Variants in FOCAD observed in about 807,000 individuals in gnomAD.
The protein encoded by FOCAD is focadhesin, also known as KIAA1797.
In FOCAD, 198 loss-of-function variants were observed where a neutral mutation model predicts 225.6. The ratio of observed to expected loss-of-function variants is 0.88; its 90% CI spans 0.78 to 0.99. The LOEUF (loss-of-function observed/expected upper bound fraction) is 0.99. FOCAD is among the 50% of genes least tolerant of loss of function. The pLI, the probability that FOCAD is intolerant of heterozygous loss-of-function variation, is 0.00. For synonymous variants in FOCAD, 897 were observed against 755.0 expected (o/e 1.19, Z -3.08); for missense variants, 2,713 against 2,123.6 (o/e 1.28, Z -5.46).
intron 11 of FOCAD, among the ~76,000 whole-genome samples, chr9:20,814,568 G>T (rs572588072): frequency 9.0e-4 from 137 of 152,020 alleles, no homozygotes; most frequent in African/African-American, 3.2e-3. Flanking sequence ...TGTTGACCAG[G>T]CTGGTCTTGA....
Position 20,789,330 on chromosome 9 carries a change from T to A in FOCAD, c.1198-21T>A, listed in dbSNP as rs763230322. On this transcript the variant is annotated intron_variant, in intron 10 of 43. Coordinates refer to ENST00000338382, the MANE Select transcript of FOCAD (RefSeq NM_001375567.1). ...TATATTTATCTCACTTATTTATGCC[T>A]CTCTTGTCTTTATTTTTCAGCTCTC... 22 of 1,603,402 alleles carry A rather than the reference T, an allele frequency of 1.4e-5. 1 individual carries two copies. The South Asian group carries it at 2.4e-4, about 18-fold the overall frequency.
chr9:20,869,164 A>C (rs1829547906), intron 18 of FOCAD, among the ~76,000 whole-genome samples: 1 of 152,178 alleles, frequency 6.6e-6, no homozygotes, highest in Non-Finnish European at 1.5e-5. Flanking sequence ...TCTGTAATGT[A>C]AAAACTAAGA....
At chr9:20,903,255 T>C (rs1200712848) in intron 21 of FOCAD, among the ~76,000 whole-genome samples, 2 of 152,002 alleles carry the variant, frequency 1.3e-5, no homozygotes, top group African/African-American at 4.8e-5. Flanking sequence ...TTCTGTCTTA[T>C]ATATTGGCAT....
chr9:20,694,884 G>A (rs903236036), intron 1 of FOCAD, among the ~76,000 whole-genome samples: 2 of 152,154 alleles, frequency 1.3e-5, no homozygotes, highest in African/African-American at 4.8e-5. Flanking sequence ...GAATTTCTCA[G>A]TTGGGCCAAG....
chr9:20,825,070 G>A (rs1395447691), intron 15 of FOCAD, among the ~76,000 whole-genome samples: 2 of 151,124 alleles, frequency 1.3e-5, no homozygotes, highest in African/African-American at 4.9e-5. Flanking sequence ...ATAAGTAGAT[G>A]TAATCTATTT....
intron 10 of FOCAD, among the ~76,000 whole-genome samples, chr9:20,784,855 A>C (rs144639536): frequency 6.3e-4 from 96 of 152,292 alleles, no homozygotes; most frequent in African/African-American, 2.3e-3. Context: ...AACATGTGTG[A>C]TATGCCAGGA....
At chr9:20,714,408 G>C (rs1825131033) in intron 1 of FOCAD, among the ~76,000 whole-genome samples, 1 of 152,028 alleles carries the variant, frequency 6.6e-6, no homozygotes, top group South Asian at 2.1e-4. Flanking sequence ...AGTTAATCTA[G>C]GGCTGTTTAT....
intron 28 of FOCAD, among the ~76,000 whole-genome samples, chr9:20,940,892 C>T (rs1160335845): frequency 6.6e-6 from 1 of 152,052 alleles, no homozygotes; most frequent in African/African-American, 2.4e-5. Context: ...AGAAGGAAAG[C>T]AGTTTGATGC....
chr9:20,682,653 C>T (rs1326170472), upstream of FOCAD, among the ~76,000 whole-genome samples: 4 of 152,040 alleles, frequency 2.6e-5, no homozygotes, highest in African/African-American at 7.3e-5. Context: ...AATACTGGTG[C>T]ATTTGGAAGA....
At chr9:20,987,580 G>T (rs976036181) in intron 40 of FOCAD, among the ~76,000 whole-genome samples, 1 of 151,770 alleles carries the variant, frequency 6.6e-6, no homozygotes, top group Non-Finnish European at 1.5e-5. Context: ...ATCTGCATTT[G>T]TGCCTTTCCA....
chr9:20,701,159 C>T (rs932459452), intron 1 of FOCAD, among the ~76,000 whole-genome samples: 1 of 152,258 alleles, frequency 6.6e-6, no homozygotes, highest in African/African-American at 2.4e-5. Context: ...CATATTCCCT[C>T]TGCCTGGAAT....
At chr9:20,969,608 A>T (rs888292126) in intron 35 of FOCAD, among the ~76,000 whole-genome samples, 1 of 151,936 alleles carries the variant, frequency 6.6e-6, no homozygotes, top group Non-Finnish European at 1.5e-5. Flanking sequence ...ATTTGTATAC[A>T]TTATGTGCCC....
At chr9:20,736,106 G>A (rs1827138564) in intron 4 of FOCAD, among the ~76,000 whole-genome samples, 1 of 152,080 alleles carries the variant, frequency 6.6e-6, no homozygotes, top group Non-Finnish European at 1.5e-5. Context: ...CACATGCATT[G>A]CTTCATTCAG....
At chr9:20,811,050 G>T (rs1206222750) in intron 11 of FOCAD, among the ~76,000 whole-genome samples, 2 of 151,922 alleles carry the variant, frequency 1.3e-5, no homozygotes, top group Admixed American at 1.3e-4. Context: ...AACTTTATTG[G>T]CAGATAGTAG....
In FOCAD at chr9:20,944,709, G is replaced by A. The variant is rs1837011757; in HGVS notation, c.3490G>A (p.Ala1164Thr). 2.5e-6 allele frequency: 4 copies of A among 1,614,092 alleles called. No individual in the cohort carries two copies. The South Asian group carries it at 4.4e-5, about 18-fold the overall frequency. Residue 1164 changes from alanine (A) to threonine (T), a missense_variant, in exon 29 of 44, where the codon GCA becomes ACA. Physicochemically the swap from Ala to Thr is moderately conservative, Grantham distance 58. Coordinates refer to ENST00000338382, the MANE Select transcript of FOCAD (RefSeq NM_001375567.1). ...SQMQSRVHVA[A>T]LLRKLSAHVD... ...AATGCAGTCCCGCGTTCACGTAGCA[G>A]CATTGCTCCGGAAGCTGTCTGCGCA...
At chr9:20,706,628 T>G (rs760486911) in intron 1 of FOCAD, among the ~76,000 whole-genome samples, 4 of 152,346 alleles carry the variant, frequency 2.6e-5, no homozygotes, top group Non-Finnish European at 5.9e-5. Context: ...ATGACTTTCC[T>G]TTTTGGCAAG....
At chr9:20,721,442 C>T (rs1363347879) in intron 4 of FOCAD, among the ~76,000 whole-genome samples, 2 of 152,110 alleles carry the variant, frequency 1.3e-5, no homozygotes, top group Non-Finnish European at 1.5e-5. Context: ...TGGGTCACGC[C>T]TGTAATCCTA....
At chr9:20,945,988 C>T (rs898297198) in intron 29 of FOCAD, among the ~76,000 whole-genome samples, 30 of 152,106 alleles carry the variant, frequency 2.0e-4, no homozygotes, top group African/African-American at 7.2e-4. Flanking sequence ...GGGTGACTTG[C>T]CCAAAGTTAC....
At chr9:20,821,564 A>G (rs1280038739) in intron 14 of FOCAD, among the ~76,000 whole-genome samples, 1 of 152,110 alleles carries the variant, frequency 6.6e-6, no homozygotes, top group African/African-American at 2.4e-5. Flanking sequence ...AGGAAAACAT[A>G]AAGAAATTAG....
Sources: allele counts gnomAD v4.1 joint callset (sites outside exome capture counted in the v4.1 genomes callset), GRCh38; gene constraint gnomAD v4.1.1; transcripts MANE v1.5; gene names NCBI Gene and HGNC (gene_info 2026-07-23, HGNC 2026-07-21).